PVALEF: variants seen among roughly 807,000 people sequenced by gnomAD.
The protein encoded by PVALEF is parvalbumin-like EF-hand-containing protein.
Under a neutral mutation model 1.2 loss-of-function variants are expected in PVALEF, and 2 were observed. The ratio of observed to expected loss-of-function variants is 1.68; its 90% CI spans 0.69 to 5.28. The LOEUF is 5.28. Ranked by LOEUF, PVALEF falls within the 30% of genes most tolerant of loss-of-function variation. PVALEF has a pLI of 0.06. For synonymous variants in PVALEF, 16 were observed against 6.5 expected (o/e 2.47, Z -2.24); for missense variants, 35 against 17.7 (o/e 1.97, Z -1.75).
intron 3 of PVALEF, 128 bp from the exon 4 acceptor site, chr17:81,180,995 C>A: frequency 2.0e-6 from 1 of 498,860 alleles, no homozygotes; most frequent in Non-Finnish European, 3.6e-6. Context: ...CACAGGATGG[C>A]CCGGCCCCTC....
Position 81,165,711 on chromosome 17 carries a change from G to T in PVALEF, c.-544G>T, listed in dbSNP as rs773153166. 1 of 1,519,814 alleles carries T rather than the reference G, an allele frequency of 6.6e-7. No homozygotes were observed. 94.1% of individuals were successfully genotyped at this position (1,519,814 alleles called of 1,614,324 possible). A position where few individuals can be genotyped will look rare whatever the true frequency, so the allele number is the denominator to read the frequency against. ...GCCCTGGAGGCAGCCACGGAGTCACGACCACGCGGGGGACGCCAGCCCACA... is the reference window on the plus strand; with the variant it reads ...GCCCTGGAGGCAGCCACGGAGTCACTACCACGCGGGGGACGCCAGCCCACA... On this transcript the variant is annotated 5_prime_UTR_variant, in exon 1 of 7. Transcript: ENST00000637878.
At position 81,182,089 on chromosome 17, in the gene PVALEF, C is replaced by G. The variant is rs953394682; in HGVS notation, c.358+8C>G. 28 of 398,740 alleles carry G rather than the reference C, an allele frequency of 7.0e-5. No homozygotes were observed. The highest frequency in any genetic ancestry group is 1.3e-3 in the Middle Eastern group (2 of 1,590). 24.7% of individuals were successfully genotyped at this position (398,740 alleles called of 1,614,324 possible). A position where few individuals can be genotyped will look rare whatever the true frequency, so the allele number is the denominator to read the frequency against. On this transcript the variant is annotated splice_region_variant and intron_variant, in intron 6 of 6. Transcript: ENST00000637878. Reference sequence around the variant, plus strand: ...GGAGGATCAACTACGAAGGTGGGGGCAGCACAGCCGGGGCACCCTCAGGAC... The same window carrying G: ...GGAGGATCAACTACGAAGGTGGGGGGAGCACAGCCGGGGCACCCTCAGGAC...
intron 1 of PVALEF, 150 bp from the exon 2 acceptor site, chr17:81,166,527 T>C: frequency 9.9e-6 from 1 of 101,236 alleles, no homozygotes; most frequent in South Asian, 5.8e-5. Context: ...ACGGAAGTCG[T>C]GAATGGTAAG....
chr17:81,181,627 G>A lies in PVALEF; in HGVS notation c.175G>A (p.Ala59Thr), dbSNP rs1484467557. 2.4e-5 allele frequency: 10 copies of A among 418,826 alleles called. No individual in the cohort carries two copies. Among genetic ancestry groups the A allele is most frequent in the East Asian group, 1.8e-4 (5 of 28,350 alleles). The allele number at this position is 418,826 out of a possible 1,614,324, so 25.9% of individuals were successfully genotyped here. A position where few individuals can be genotyped will look rare whatever the true frequency, so the allele number is the denominator to read the frequency against. Residue 59 changes from alanine (A) to threonine (T), a missense_variant, in exon 5 of 7, where the codon GCC becomes ACC. Coordinates refer to ENST00000637878, the MANE Select transcript of PVALEF (RefSeq NM_001354639.2). The stretch of plus-strand genomic sequence containing the variant: ...CCACGCCTCGGGCCAGCTGGACGAC[G>A]CCATCCACACGGCCTTCCAGTCCCT... ...KLHASGQLDD[A>T]IHTAFQSLDK...
chr17:81,178,420 G>C (rs1158871261), intron 2 of PVALEF, among the ~76,000 whole-genome samples: 1 of 152,156 alleles, frequency 6.6e-6, no homozygotes. Context: ...CCGTGCCCCT[G>C]GTGTATTCAG....
Position 81,178,974 on chromosome 17 carries a change from C to A in PVALEF, c.-283C>A. On this transcript the variant is annotated 5_prime_UTR_variant, in exon 3 of 7. Transcript: ENST00000637878. Reference sequence around the variant, plus strand: ...GTCTGCCCAGACCAGTGTGGACACACCAAGTGCCTGCGAGCCCCTGGGAGC... The same window carrying A: ...GTCTGCCCAGACCAGTGTGGACACAACAAGTGCCTGCGAGCCCCTGGGAGC... 1 of 418,360 alleles carries A rather than the reference C, an allele frequency of 2.4e-6. No homozygotes were observed. Among genetic ancestry groups the A allele is most frequent in the Non-Finnish European group, 4.9e-6 (1 of 205,698 alleles). The allele number at this position is 418,360 out of a possible 1,614,324, so 25.9% of individuals were successfully genotyped here.
Position 81,178,954 on chromosome 17 carries a change from C to A in PVALEF, c.-303C>A. ...CCAGGCACTGCTAAGGGTCAGTCTGCCCAGACCAGTGTGGACACACCAAGT... is the reference window on the plus strand; with the variant it reads ...CCAGGCACTGCTAAGGGTCAGTCTGACCAGACCAGTGTGGACACACCAAGT... On this transcript the variant is annotated 5_prime_UTR_variant, in exon 3 of 7. Transcript: ENST00000637878. 1 of 358,690 alleles carries A rather than the reference C, an allele frequency of 2.8e-6. No homozygotes were observed. The highest frequency in any genetic ancestry group is 5.8e-6 in the Non-Finnish European group (1 of 173,288). The allele number at this position is 358,690 out of a possible 1,614,324, so 22.2% of individuals were successfully genotyped here. A position where few individuals can be genotyped will look rare whatever the true frequency, so the allele number is the denominator to read the frequency against.
At chr17:81,172,380 G>T (rs1033072970) in intron 2 of PVALEF, among the ~76,000 whole-genome samples, 1 of 152,196 alleles carries the variant, frequency 6.6e-6, no homozygotes, top group Non-Finnish European at 1.5e-5. Context: ...ACATGGCCAA[G>T]GAAAGGGAGG....
chr17:81,168,229 C>T (rs1277818083), intron 2 of PVALEF, among the ~76,000 whole-genome samples: 2 of 152,198 alleles, frequency 1.3e-5, no homozygotes, highest in African/African-American at 4.8e-5. Flanking sequence ...GCCTTGATGA[C>T]CAGGGCCAGA....
rs912170776 is a variant in PVALEF at position 81,165,753 on chromosome 17, T to G, written c.-508+6T>G. Reference sequence around the variant, plus strand: ...CAGCCCACAGGCGGAGGCCGGTTTGTGCTGGGGCCCAGGGCCTGCCCCTCC... The same window carrying G: ...CAGCCCACAGGCGGAGGCCGGTTTGGGCTGGGGCCCAGGGCCTGCCCCTCC... On this transcript the variant is annotated splice_donor_region_variant and intron_variant, in intron 1 of 6. Coordinates refer to ENST00000637878, the MANE Select transcript of PVALEF (RefSeq NM_001354639.2). 17 of 1,524,206 alleles carry G rather than the reference T, an allele frequency of 1.1e-5. No individual in the cohort carries two copies. The East Asian group carries it at 4.0e-4, about 36-fold the overall frequency. 94.4% of individuals were successfully genotyped at this position (1,524,206 alleles called of 1,614,324 possible).
chr17:81,171,472 A>G (rs982438443), intron 2 of PVALEF, among the ~76,000 whole-genome samples: 1 of 152,184 alleles, frequency 6.6e-6, no homozygotes, highest in Admixed American at 6.5e-5. Context: ...CGTTTTATTA[A>G]AAGCATGATT....
At chr17:81,173,215 T>C (rs2061526412) in intron 2 of PVALEF, among the ~76,000 whole-genome samples, 1 of 152,092 alleles carries the variant, frequency 6.6e-6, no homozygotes, top group Admixed American at 6.5e-5. Context: ...GGGCCCTTAT[T>C]TTAGGAGCTT....
rs910998171 is a variant in PVALEF, at chr17:81,181,448, G to A, written c.107-111G>A. 1.7e-4 allele frequency: 89 copies of A among 516,334 alleles called. 1 individual carries two copies. Among genetic ancestry groups the A allele is most frequent in the Admixed American group, 3.4e-4 (9 of 26,628 alleles). The allele number at this position is 516,334 out of a possible 1,614,324, so 32.0% of individuals were successfully genotyped here. A position where few individuals can be genotyped will look rare whatever the true frequency, so the allele number is the denominator to read the frequency against. On this transcript the variant is annotated intron_variant, in intron 4 of 6. Coordinates refer to ENST00000637878, the MANE Select transcript of PVALEF (RefSeq NM_001354639.2). ...CAGGACACCAGGACCTGCGGCGGGC[G>A]GGGACATGGGGGTGCAGGACCCGGC... is the stretch of plus-strand genomic sequence containing the variant.
chr17:81,170,172 TGTAG>T (rs572505612), intron 2 of PVALEF, among the ~76,000 whole-genome samples: 92 of 151,762 alleles, frequency 6.1e-4, no homozygotes, highest in African/African-American at 1.4e-3. Flanking sequence ...TGTGTGCATG[TGTAG>T]GTGTGTGTGC....
chr17:81,179,999 G>C (rs573505382), intron 3 of PVALEF, among the ~76,000 whole-genome samples: 1 of 152,166 alleles, frequency 6.6e-6, no homozygotes, highest in Non-Finnish European at 1.5e-5. Context: ...AGCCTCCCCC[G>C]GCCGGACATC....
intron 2 of PVALEF, among the ~76,000 whole-genome samples, chr17:81,175,879 G>C (rs1367757394): frequency 6.6e-6 from 1 of 152,134 alleles, no homozygotes; most frequent in African/African-American, 2.4e-5. Context: ...AGATTTCTTG[G>C]ATATGACAGC....
chr17:81,176,638 A>G (rs956609305), intron 2 of PVALEF, among the ~76,000 whole-genome samples: 5 of 151,540 alleles, frequency 3.3e-5, no homozygotes, highest in Non-Finnish European at 7.4e-5. Context: ...ACGTGGGGCT[A>G]TCGGCCCCTG....
At position 81,173,363 on chromosome 17, in the gene PVALEF, T is replaced by C. The variant is rs569012545; in HGVS notation, c.-339-5555T>C. On this transcript the variant is annotated intron_variant, in intron 2 of 6. Coordinates refer to ENST00000637878, the MANE Select transcript of PVALEF (RefSeq NM_001354639.2). ...TCTCAAACACCCTGGCCAACCTGCA[T>C]GTCCTGGGAGACGCTGCCAGGCCCA... Among the ~76,000 whole-genome samples the C allele has an allele frequency of 7.9e-5, 12 of 152,296 alleles. No homozygotes were observed. The South Asian group carries it at 2.1e-3, about 26-fold the overall frequency.
chr17:81,166,067 C>CGCA, intron 1 of PVALEF: 1 of 1,086,796 alleles, frequency 9.2e-7, no homozygotes, highest in Non-Finnish European at 1.2e-6. Flanking sequence ...CCCGAGCCGC[C>CGCA]GCATCACCCA....
Sources: allele counts gnomAD v4.1 joint callset (sites outside exome capture counted in the v4.1 genomes callset), GRCh38; gene constraint gnomAD v4.1.1; transcripts MANE v1.5; gene names NCBI Gene and HGNC (gene_info 2026-07-23, HGNC 2026-07-21).